The following GRM8 variants were observed in gnomAD, a reference collection of about 807,000 sequenced individuals.
The protein encoded by GRM8 is glutamate metabotropic receptor 8.
In GRM8, 47 loss-of-function variants were observed where a neutral mutation model predicts 87.2. The observed-to-expected ratio is 0.54, with a 90% CI of 0.43 to 0.69. GRM8 has a LOEUF of 0.69. GRM8 is among the 30% of genes least tolerant of loss of function. GRM8 has a pLI of 0.00. For missense variants in GRM8, 1,019 were observed against 1,139.2 expected (o/e 0.89, Z 1.52); for synonymous variants, 396 against 404.5 (o/e 0.98, Z 0.25).
chr7:126,483,740 TTTCCCTCCCTCC>T (rs1807006572), intron 9 of GRM8, among the ~76,000 whole-genome samples: 2 of 76,948 alleles, frequency 2.6e-5, no homozygotes, highest in Non-Finnish European at 5.2e-5. Flanking sequence ...ACCCTTAGTA[TTTCCCTCCCTCC>T]CTCCCTCCCT....
In GRM8 at chr7:126,849,094, T is replaced by A. The variant is rs577897890; in HGVS notation, c.1156+53448A>T. On this transcript the variant is annotated intron_variant, in intron 6 of 10. Coordinates refer to ENST00000339582, the MANE Select transcript of GRM8 (RefSeq NM_000845.3). ...GGAACAACCTGCCCCTATGATTCAG[T>A]TACCTCCCACCAGGTCACTCCCACA... 2.0e-5 allele frequency among the ~76,000 whole-genome samples: 3 copies of A among 152,176 alleles called. No homozygotes were observed. The South Asian group carries it at 6.2e-4, about 32-fold the overall frequency.
intron 7 of GRM8, among the ~76,000 whole-genome samples, chr7:126,666,567 C>T (rs77940926): frequency 1.2e-4 from 19 of 152,068 alleles, no homozygotes; most frequent in Non-Finnish European, 2.4e-4. Flanking sequence ...AATCCTACTG[C>T]GTCCAGCATG....
chr7:126,757,466 C>T lies in GRM8; in HGVS notation c.1357+12399G>A, dbSNP rs560056805. Among the ~76,000 whole-genome samples the T allele has an allele frequency of 5.9e-5, 9 of 152,208 alleles. No homozygotes were observed. In the South Asian group the frequency reaches 6.2e-4, roughly 11 times the overall value. On this transcript the variant is annotated intron_variant, in intron 7 of 10. Transcript: ENST00000339582. The stretch of plus-strand genomic sequence containing the variant: ...ATACTTTCTCTAAAGTTAACAACAA[C>T]GAAAAGCCGAACAAGACCTGGGGAA...
At chr7:126,759,429 A>G (rs558773111) in intron 7 of GRM8, among the ~76,000 whole-genome samples, 3 of 152,138 alleles carry the variant, frequency 2.0e-5, no homozygotes, top group African/African-American at 7.2e-5. Context: ...AAGAAACAAG[A>G]AGAAATAATG....
chr7:126,536,661 A>T (rs567916402), intron 8 of GRM8, among the ~76,000 whole-genome samples: 2 of 152,292 alleles, frequency 1.3e-5, no homozygotes, highest in South Asian at 4.1e-4. Context: ...ACTGAGAAAA[A>T]AAATGAAATG....
chr7:126,736,126 C>T (rs1164834812), intron 7 of GRM8, among the ~76,000 whole-genome samples: 1 of 152,012 alleles, frequency 6.6e-6, no homozygotes, highest in Non-Finnish European at 1.5e-5. Context: ...GTATGGGCAA[C>T]ACCAACAGCA....
At chr7:126,980,927 A>G (rs1192231712) in intron 3 of GRM8, 2 of 152,280 alleles carry the variant, frequency 1.3e-5, no homozygotes, top group East Asian at 3.9e-4. Context: ...CCTTCTCTGC[A>G]CTAGGGAAGC....
intron 2 of GRM8, among the ~76,000 whole-genome samples, chr7:127,221,128 T>C (rs963147998): frequency 6.6e-6 from 1 of 152,220 alleles, no homozygotes; most frequent in African/African-American, 2.4e-5. Context: ...CTGCTCTTAC[T>C]AAATCAAGTG....
intron 2 of GRM8, among the ~76,000 whole-genome samples, chr7:127,191,786 G>A (rs1489884891): frequency 6.6e-6 from 1 of 152,110 alleles, no homozygotes; most frequent in Non-Finnish European, 1.5e-5. Flanking sequence ...AATTCTGTCA[G>A]ATAATCTCTG....
chr7:126,564,012 G>C (rs1793970817), intron 8 of GRM8, among the ~76,000 whole-genome samples: 1 of 152,180 alleles, frequency 6.6e-6, no homozygotes, highest in Non-Finnish European at 1.5e-5. Flanking sequence ...TAGGGTGATG[G>C]TTATGGTTAT....
intron 9 of GRM8, among the ~76,000 whole-genome samples, chr7:126,492,189 T>C (rs1808094505): frequency 6.6e-6 from 1 of 152,014 alleles, no homozygotes; most frequent in African/African-American, 2.4e-5. Context: ...TAGCTGGGAC[T>C]ATAGGCATGC....
rs372560155 is a variant in GRM8, at chr7:126,470,853, C to T, written c.2431-24481G>A. Among the ~76,000 whole-genome samples, 17 of 152,208 alleles carry T rather than the reference C, an allele frequency of 1.1e-4. 1 individual carries two copies. Among genetic ancestry groups the T allele is most frequent in the South Asian group, 6.2e-4 (3 of 4,824 alleles). On this transcript the variant is annotated intron_variant, in intron 9 of 10. Transcript: ENST00000339582. ...TTCTCCACATCCTCTCCAGCACCTG[C>T]TGTTTCCTGACTTTTTAATGATTGC...
intron 2 of GRM8, among the ~76,000 whole-genome samples, chr7:127,207,217 G>A (rs1795963580): frequency 6.6e-6 from 1 of 151,962 alleles, no homozygotes; most frequent in African/African-American, 2.4e-5. Flanking sequence ...TGCTGATTAT[G>A]TTCTTAAGAG....
intron 3 of GRM8, among the ~76,000 whole-genome samples, chr7:126,979,995 A>AAGCCACAT (rs1392092310): frequency 6.6e-6 from 1 of 152,212 alleles, no homozygotes; most frequent in East Asian, 1.9e-4. Context: ...TCAGATGTAC[A>AAGCCACAT]AGCCACATTT....
At chr7:127,190,756 A>C (rs1794987012) in intron 2 of GRM8, among the ~76,000 whole-genome samples, 1 of 152,144 alleles carries the variant, frequency 6.6e-6, no homozygotes, top group South Asian at 2.1e-4. Flanking sequence ...ACCAAACTAA[A>C]AGACAGTGCT....
intron 7 of GRM8, among the ~76,000 whole-genome samples, chr7:126,689,557 TAA>T (rs1808580177): frequency 6.6e-6 from 1 of 152,076 alleles, no homozygotes; most frequent in Non-Finnish European, 1.5e-5. Context: ...ATTCACTAGA[TAA>T]CTGAAGACTG....
At chr7:126,571,070 G>A (rs967939791) in intron 8 of GRM8, among the ~76,000 whole-genome samples, 2 of 152,142 alleles carry the variant, frequency 1.3e-5, no homozygotes, top group Non-Finnish European at 2.9e-5. Context: ...CCTAGGACCT[G>A]GCTCATGACT....
chr7:126,916,688 C>G (rs73723525), intron 3 of GRM8, among the ~76,000 whole-genome samples: 1 of 152,294 alleles, frequency 6.6e-6, no homozygotes, highest in Admixed American at 6.5e-5. Context: ...TCAACAGATA[C>G]AGTGGCTGAG....
intron 2 of GRM8, among the ~76,000 whole-genome samples, chr7:127,151,273 A>G (rs1410671495): frequency 2.0e-5 from 3 of 152,036 alleles, no homozygotes; most frequent in Non-Finnish European, 4.4e-5. Context: ...AGAAAATCAC[A>G]TGACACACTT....
Sources: allele counts gnomAD v4.1 joint callset (sites outside exome capture counted in the v4.1 genomes callset), GRCh38; gene constraint gnomAD v4.1.1; transcripts MANE v1.5; gene names NCBI Gene and HGNC (gene_info 2026-07-23, HGNC 2026-07-21).